TBC1D12: variants seen among roughly 807,000 people sequenced by gnomAD.
TBC1D12 encodes TBC1 domain family, member 12.
Under a neutral mutation model 86.7 loss-of-function variants are expected in TBC1D12, and 56 were observed. The observed-to-expected ratio is 0.65, with a 90% CI of 0.52 to 0.81. The LOEUF (loss-of-function observed/expected upper bound fraction) is 0.81. Ranked by LOEUF, TBC1D12 falls within the 30% of genes least tolerant of loss-of-function variation. The pLI is 0.00. For missense variants in TBC1D12, 1,023 were observed against 1,038.8 expected, an observed-to-expected ratio of 0.98 and a Z score of 0.21; for synonymous variants, 421 against 411.7, an observed-to-expected ratio of 1.02 and a Z score of -0.27.
At chr10:94,413,378 C>G (rs142229695) in intron 1 of TBC1D12, among the ~76,000 whole-genome samples, 2 of 152,162 alleles carry the variant, frequency 1.3e-5, no homozygotes, top group Admixed American at 1.3e-4. Context: ...CAGGTCTACT[C>G]AGTTTGTTGG....
chr10:94,427,764 G>A (rs192914638), intron 1 of TBC1D12, among the ~76,000 whole-genome samples: 23 of 149,218 alleles, frequency 1.5e-4, no homozygotes, highest in South Asian at 1.1e-3. Flanking sequence ...CCTGGGAGGC[G>A]GAGGTTGCAG....
intron 1 of TBC1D12, among the ~76,000 whole-genome samples, chr10:94,410,069 A>G (rs2054910599): frequency 6.6e-6 from 1 of 152,196 alleles, no homozygotes; most frequent in East Asian, 1.9e-4. Context: ...TTAAGTTTTT[A>G]GATCTTTTAA....
intron 2 of TBC1D12, among the ~76,000 whole-genome samples, chr10:94,447,925 T>G (rs994078182): frequency 6.6e-6 from 1 of 150,872 alleles, no homozygotes; most frequent in Non-Finnish European, 1.5e-5. Flanking sequence ...ACTGATAATC[T>G]CTCAGTGAAA....
chr10:94,407,043 A>G (rs1589595797), intron 1 of TBC1D12, among the ~76,000 whole-genome samples: 1 of 148,640 alleles, frequency 6.7e-6, no homozygotes, highest in Non-Finnish European at 1.5e-5. Context: ...AAAAATCTAT[A>G]CGAGAAACCT....
intron 11 of TBC1D12, among the ~76,000 whole-genome samples, chr10:94,530,802 A>G (rs192941178): frequency 6.7e-6 from 1 of 149,720 alleles, no homozygotes; most frequent in Non-Finnish European, 1.5e-5. Flanking sequence ...AATTCACATA[A>G]TTTTGTTATT....
chr10:94,456,324 T>C (rs1295897205), intron 2 of TBC1D12, among the ~76,000 whole-genome samples: 1 of 152,226 alleles, frequency 6.6e-6, no homozygotes, highest in African/African-American at 2.4e-5. Flanking sequence ...CTTTTGCCTC[T>C]AATACTGTAT....
chr10:94,462,156 A>G (rs2055739138), intron 2 of TBC1D12, among the ~76,000 whole-genome samples: 1 of 152,210 alleles, frequency 6.6e-6, no homozygotes, highest in Non-Finnish European at 1.5e-5. Context: ...TACAATCATC[A>G]TTTAGTAAGT....
At chr10:94,448,417 AAAC>A (rs1390211514) in intron 2 of TBC1D12, among the ~76,000 whole-genome samples, 3 of 152,348 alleles carry the variant, frequency 2.0e-5, no homozygotes, top group East Asian at 3.9e-4. Flanking sequence ...TGCAAAAACA[AAAC>A]AATTATTTCA....
In TBC1D12 at chr10:94,403,084, C is replaced by T. The variant is rs1319201737; in HGVS notation, c.471C>T (p.Arg157=). 2 of 1,432,814 alleles carry T rather than the reference C, an allele frequency of 1.4e-6. No homozygotes were observed. The allele number at this position is 1,432,814 out of a possible 1,614,324, so 88.8% of individuals were successfully genotyped here. The change falls in exon 1 of 13, where the codon CGC becomes CGT. Residue 157 remains arginine, a synonymous_variant. Coordinates refer to ENST00000225235, the MANE Select transcript of TBC1D12 (RefSeq NM_015188.2). Reference sequence around the variant, plus strand: ...TGGAAGAGGCTCGCGGGCTGGCGCGCGCCGGCGGCCGGGAGTCGCGCCGCC... The same window carrying T: ...TGGAAGAGGCTCGCGGGCTGGCGCGTGCCGGCGGCCGGGAGTCGCGCCGCC... ...RDLEEARGLA[R]AGGRESRRRR... is the part of the protein sequence containing the mutation.
rs1160235539 is a variant in TBC1D12 at position 94,465,715 on chromosome 10, TATAC to T, written c.1096-8936_1096-8933del. On this transcript the variant is annotated intron_variant, in intron 2 of 12. Transcript: ENST00000225235. ...GTGTGTGTACATATATACGTATACG[TATAC>T]ATACATACATACATACGTATACATA... 4.0e-3 allele frequency among the ~76,000 whole-genome samples: 454 copies of T among 113,946 alleles called. 2 individuals are homozygous for T. The highest frequency in any genetic ancestry group is 7.7e-3 in the South Asian group (21 of 2,736). The allele number at this position is 113,946 out of a possible 152,430, so 74.8% of individuals were successfully genotyped here.
intron 1 of TBC1D12, among the ~76,000 whole-genome samples, chr10:94,429,868 G>C (rs1340731626): frequency 6.6e-6 from 1 of 151,994 alleles, no homozygotes; most frequent in African/African-American, 2.4e-5. Flanking sequence ...CAAGTAGCTG[G>C]GGCTTCAGGT....
intron 1 of TBC1D12, among the ~76,000 whole-genome samples, chr10:94,425,310 C>G (rs1240652830): frequency 6.6e-6 from 1 of 152,016 alleles, no homozygotes; most frequent in African/African-American, 2.4e-5. Context: ...TGGGAGTGTT[C>G]TATACTTCAA....
rs534034123 is a variant in TBC1D12, at chr10:94,458,273, A to G, written c.1095+16254A>G. Among the ~76,000 whole-genome samples the G allele has an allele frequency of 2.6e-5, 4 of 152,276 alleles. No individual in the cohort carries two copies. The South Asian group carries it at 8.3e-4, about 32-fold the overall frequency. ...AGAAGAGGAAAGCAAGATCTGAGCT[A>G]GCATGCTTAGCCCCTCACCGCATGA... On this transcript the variant is annotated intron_variant, in intron 2 of 12. Coordinates refer to ENST00000225235, the MANE Select transcript of TBC1D12 (RefSeq NM_015188.2).
At chr10:94,422,558 C>T (rs954634946) in intron 1 of TBC1D12, among the ~76,000 whole-genome samples, 4 of 151,844 alleles carry the variant, frequency 2.6e-5, no homozygotes, top group Non-Finnish European at 5.9e-5. Flanking sequence ...TTTTTCTGGA[C>T]TCCTATCAGG....
Position 94,402,925 on chromosome 10 carries a change from A to G in TBC1D12, c.312A>G (p.Pro104=), listed in dbSNP as rs562709067. The G allele has an allele frequency of 9.8e-6, 15 of 1,531,612 alleles. No homozygotes were observed. In the South Asian group the frequency reaches 1.6e-4, roughly 16 times the overall value. 94.9% of individuals were successfully genotyped at this position (1,531,612 alleles called of 1,614,324 possible). ...GCGCCCCGCCGCCCTCGGCAGCCCC[A>G]CGATCGGACGCCTGCCTGCTGGGCT... ...QAGAPPPSAA[P]RSDACLLGSG... The change falls in exon 1 of 13, where the codon CCA becomes CCG. Residue 104 remains proline (P), a synonymous_variant. Coordinates refer to ENST00000225235, the MANE Select transcript of TBC1D12 (RefSeq NM_015188.2).
intron 2 of TBC1D12, among the ~76,000 whole-genome samples, chr10:94,449,566 A>G (rs1278902469): frequency 6.6e-6 from 1 of 152,180 alleles, no homozygotes; most frequent in East Asian, 1.9e-4. Flanking sequence ...TGGTCTTGAG[A>G]TAGTAGAGGT....
At chr10:94,420,586 C>T (rs2055060053) in intron 1 of TBC1D12, among the ~76,000 whole-genome samples, 1 of 152,182 alleles carries the variant, frequency 6.6e-6, no homozygotes. Context: ...TTTGCTCAGT[C>T]TGGATATTTC....
chr10:94,493,503 G>A (rs2056274271), intron 4 of TBC1D12, 56 bp downstream of exon 4: 3 of 1,215,764 alleles, frequency 2.5e-6, no homozygotes, highest in Admixed American at 2.1e-5. Context: ...GAAGATGGAT[G>A]GTAAAATTCA....
chr10:94,522,015 T>C lies in TBC1D12; in HGVS notation c.1822T>C (p.Phe608Leu). 1 of 1,612,784 alleles carries C rather than the reference T, an allele frequency of 6.2e-7. No homozygotes were observed. The highest frequency in any genetic ancestry group is 1.1e-5 in the South Asian group (1 of 90,880). ...TCTCAATTTGGAAGAGGCAGATGCC[T>C]TTATCGCATTTGCCAATCTCCTGAA... ...LILNLEEADA[F>L]IAFANLLNKP... is the part of the protein sequence containing the mutation. Residue 608 changes from phenylalanine (F) to leucine (L), a missense_variant, in exon 10 of 13, where the codon TTT (phenylalanine) becomes CTT (leucine). By Grantham distance (22) the Phe-to-Leu change is conservative (BLOSUM62 0). Transcript: ENST00000225235.
Sources: allele counts gnomAD v4.1 joint callset (sites outside exome capture counted in the v4.1 genomes callset), GRCh38; gene constraint gnomAD v4.1.1; transcripts MANE v1.5; gene names NCBI Gene and HGNC (gene_info 2026-07-23, HGNC 2026-07-21).